Variants in ING5 observed in about 807,000 individuals in gnomAD.
The protein encoded by ING5 is inhibitor of growth protein 5.
A neutral mutation model predicts 37.4 loss-of-function variants in ING5; 17 were observed. That is an observed-to-expected ratio of 0.45 (90% CI 0.31 to 0.68). The LOEUF is 0.68. Among genes scored for constraint, ING5 ranks in the 30% least tolerant of loss-of-function variants. The pLI is 0.05. For synonymous variants in ING5, 123 were observed against 116.6 expected, an observed-to-expected ratio of 1.06 and a Z score of -0.36; for missense variants, 233 against 311.9, an observed-to-expected ratio of 0.75 and a Z score of 1.91.
In ING5 at chr2:241,722,242, C is replaced by T. The variant is rs546174006; in HGVS notation, c.483-697C>T. On this transcript the variant is annotated intron_variant, in intron 5 of 7. Coordinates refer to ENST00000313552, the MANE Select transcript of ING5 (RefSeq NM_032329.6). ...TGGCAGGCTTCTCTCAGGTGTCAGC[C>T]GTCTGCTGGCAGAGGTGACGTGTGC... 4.6e-5 allele frequency: 45 copies of T among 985,338 alleles called. No individual in the cohort carries two copies. In the East Asian group the frequency reaches 3.2e-3, roughly 70 times the overall value. 61.0% of individuals were successfully genotyped at this position (985,338 alleles called of 1,614,324 possible). A position where few individuals can be genotyped will look rare whatever the true frequency, so the allele number is the denominator to read the frequency against.
chr2:241,689,484 G>A (rs2124845838), intron 1 of ING5, among the ~76,000 whole-genome samples: 1 of 152,294 alleles, frequency 6.6e-6, no homozygotes, highest in South Asian at 2.1e-4. Flanking sequence ...GCTGTCATGT[G>A]CCCTGTTCAG....
Position 241,725,261 on chromosome 2 carries a change from C to A in ING5, c.*230C>A. On this transcript the variant is annotated 3_prime_UTR_variant, in exon 8 of 8. Transcript: ENST00000313552. ...CCTCAGTGTGGCTTTTACAGGACTC[C>A]CCCCGAGCATCAGCAGGGACCCCGG... is the stretch of plus-strand genomic sequence containing the variant. The A allele has an allele frequency of 1.8e-6, 1 of 556,530 alleles. No individual in the cohort carries two copies. The highest frequency in any genetic ancestry group is 2.0e-5 in the South Asian group (1 of 48,794). The allele number at this position is 556,530 out of a possible 1,614,324, so 34.5% of individuals were successfully genotyped here. A position where few individuals can be genotyped will look rare whatever the true frequency, so the allele number is the denominator to read the frequency against.
chr2:241,706,935 A>G (rs7601544), intron 2 of ING5, among the ~76,000 whole-genome samples: 92,272 of 146,384 alleles, frequency 0.63, 29,243 homozygotes, highest in Admixed American at 0.7. Flanking sequence ...AAATTTCATG[A>G]TAATGTGTTT....
chr2:241,691,447 A>C (rs1185860692), intron 2 of ING5, among the ~76,000 whole-genome samples: 7 of 148,800 alleles, frequency 4.7e-5, no homozygotes, highest in Admixed American at 2.0e-4. Context: ...TCAAAAAAAA[A>C]AAACAAAAAC....
At chr2:241,716,048 C>A in intron 5 of ING5, among the ~76,000 whole-genome samples, 1 of 151,406 alleles carries the variant, frequency 6.6e-6, no homozygotes. Context: ...CCACCTTGGC[C>A]TCCCCTCCCT....
intron 5 of ING5, among the ~76,000 whole-genome samples, chr2:241,716,947 G>A (rs1039512647): frequency 8.5e-5 from 13 of 152,126 alleles, no homozygotes; most frequent in South Asian, 2.1e-4. Context: ...CAAAAGATCC[G>A]TTTTACAACA....
chr2:241,704,588 C>T (rs1287243444), intron 1 of ING5, 65 bp from the exon 2 acceptor site: 30 of 1,307,504 alleles, frequency 2.3e-5, no homozygotes, highest in Non-Finnish European at 3.3e-5. Flanking sequence ...AGACAGAAAA[C>T]CTTTGGAGGT....
chr2:241,721,337 G>A (rs1300773703), intron 5 of ING5: 8 of 985,350 alleles, frequency 8.1e-6, no homozygotes, highest in African/African-American at 1.7e-5. Flanking sequence ...GACTTGTGAC[G>A]CTGATGGATT....
intron 5 of ING5, among the ~76,000 whole-genome samples, chr2:241,717,033 C>G (rs1215025584): frequency 1.3e-5 from 2 of 151,956 alleles, no homozygotes; most frequent in African/African-American, 4.8e-5. Flanking sequence ...AAAAGTCACC[C>G]CATATATAGT....
At position 241,711,273 on chromosome 2, in the gene ING5, A is replaced by G. The variant is rs1010665601; in HGVS notation, c.277-104A>G. ...CAGAGGTTTGTTCATTGGAGACTCA[A>G]TTAAAGGGCAAGAAGGTGTTTCCTG... On this transcript the variant is annotated intron_variant, in intron 3 of 7. Transcript: ENST00000313552. The G allele has an allele frequency of 6.8e-6, 5 of 730,660 alleles. No individual in the cohort carries two copies. The East Asian group carries it at 1.5e-4, about 22-fold the overall frequency. The allele number at this position is 730,660 out of a possible 1,614,324, so 45.3% of individuals were successfully genotyped here. A position where few individuals can be genotyped will look rare whatever the true frequency, so the allele number is the denominator to read the frequency against.
exon 1 of ING5, chr2:241,687,905 C>T (rs1322624736): frequency 6.6e-6 from 1 of 152,190 alleles, no homozygotes; most frequent in Non-Finnish European, 1.5e-5. Context: ...TTCCATGCCT[C>T]CAACTCCTCT....
In ING5 at chr2:241,728,439, C is replaced by G. The variant is rs1426159267; in HGVS notation, c.*3408C>G. On this transcript the variant is annotated 3_prime_UTR_variant, in exon 8 of 8. Coordinates refer to ENST00000313552, the MANE Select transcript of ING5 (RefSeq NM_032329.6). ...CATCTGAGCCGAAGGTGTGGGTCCT[C>G]TGTGGCTGTGCGATTGACCTCGATG... 2 of 152,788 alleles carry G rather than the reference C, an allele frequency of 1.3e-5. No homozygotes were observed. The highest frequency in any genetic ancestry group is 2.9e-5 in the Non-Finnish European group (2 of 68,138). 9.5% of individuals were successfully genotyped at this position (152,788 alleles called of 1,614,324 possible). A position where few individuals can be genotyped will look rare whatever the true frequency, so the allele number is the denominator to read the frequency against.
In ING5 at chr2:241,727,387, C is replaced by A. The variant is rs1040900718; in HGVS notation, c.*2356C>A. ...GGAATGCAATGGCACCATCTTGGCT[C>A]ACTGCAACCTCTGCTTCCTGGGTTC... On this transcript the variant is annotated 3_prime_UTR_variant, in exon 8 of 8. Coordinates refer to ENST00000313552, the MANE Select transcript of ING5 (RefSeq NM_032329.6). 1 of 152,240 alleles carries A rather than the reference C, an allele frequency of 6.6e-6. No homozygotes were observed. Among genetic ancestry groups the A allele is most frequent in the Non-Finnish European group, 1.5e-5 (1 of 68,068 alleles). The allele number at this position is 152,240 out of a possible 1,614,324, so 9.4% of individuals were successfully genotyped here.
In ING5 at chr2:241,727,216, T is replaced by C. The variant is rs1020489987; in HGVS notation, c.*2185T>C. 6.6e-6 allele frequency: 1 copy of C among 151,998 alleles called. No individual in the cohort carries two copies. The highest frequency in any genetic ancestry group is 2.4e-5 in the African/African-American group (1 of 41,348). The allele number at this position is 151,998 out of a possible 1,614,324, so 9.4% of individuals were successfully genotyped here. ...CTTCCCAGAGTGCTGGGATTACAGG[T>C]GTCAGCCACTGCGCTCAGCTGGGAG... On this transcript the variant is annotated 3_prime_UTR_variant, in exon 8 of 8. Transcript: ENST00000313552.
Position 241,704,715 on chromosome 2 carries a change from A to G in ING5, c.100A>G (p.Arg34Gly). The change falls in exon 2 of 8, where the codon AGG (arginine) becomes GGG (glycine). Residue 34 changes from arginine (R) to glycine (G), a missense_variant. Physicochemically the swap from Arg to Gly is moderately radical, Grantham distance 125. Transcript: ENST00000313552. The part of the protein sequence containing the change: ...NFQLMRELDQ[R>G]TEDKKAEIDI... ...CCAGCTGATGCGAGAGCTGGACCAG[A>G]GGACGGAAGGTGGGTTCAGACCTCT... 1 of 1,613,870 alleles carries G rather than the reference A, an allele frequency of 6.2e-7. No homozygotes were observed. The highest frequency in any genetic ancestry group is 8.5e-7 in the Non-Finnish European group (1 of 1,179,768).
At chr2:241,697,484 G>A (rs1367386091), upstream of ING5, among the ~76,000 whole-genome samples, 12 of 151,342 alleles carry the variant, frequency 7.9e-5, no homozygotes, top group African/African-American at 1.5e-4. Context: ...ACATCCGGAC[G>A]TTGGAATATT....
rs1227368364 is a variant in ING5 at position 241,690,358 on chromosome 2, C to T, written c.-253C>T. 9 of 366,822 alleles carry T rather than the reference C, an allele frequency of 2.5e-5. No individual in the cohort carries two copies. In the East Asian group the frequency reaches 3.5e-4, roughly 14 times the overall value. The allele number at this position is 366,822 out of a possible 1,614,324, so 22.7% of individuals were successfully genotyped here. The stretch of plus-strand genomic sequence containing the variant: ...GGCTCACAGCATTAAGATATTTAAT[C>T]ATCTGACATTACATGAAGTCCAGTG... On this transcript the variant is annotated 5_prime_UTR_variant, in exon 2 of 8. Coordinates refer to the ING5 transcript ENST00000636051.
At chr2:241,709,965 C>T (rs369340270) in intron 3 of ING5, among the ~76,000 whole-genome samples, 9 of 151,732 alleles carry the variant, frequency 5.9e-5, no homozygotes, top group Admixed American at 5.9e-4. Context: ...ATTTTTGAGA[C>T]AGAGTCTTGC....
Position 241,704,657 on chromosome 2 carries a change from C to T in ING5, c.42C>T (p.Ile14=), listed in dbSNP as rs139118032. The change falls in exon 2 of 8, where the codon ATC becomes ATT. Residue 14 remains isoleucine (I), a synonymous_variant. Transcript: ENST00000313552. ...TTCTGTGTTTTTGCGTTTCAGGTAT[C>T]GAGAACCTTCCCTGCGAACTTCAGA... ...AMYLEHYLDS[I]ENLPCELQRN... 1.2e-4 allele frequency: 187 copies of T among 1,613,914 alleles called. 1 individual carries two copies. In the African/African-American group the frequency reaches 1.4e-3, roughly 12 times the overall value.
Sources: allele counts gnomAD v4.1 joint callset (sites outside exome capture counted in the v4.1 genomes callset), GRCh38; gene constraint gnomAD v4.1.1; transcripts MANE v1.5; gene names NCBI Gene and HGNC (gene_info 2026-07-23, HGNC 2026-07-21).